The following LZTFL1 variants were observed in gnomAD, a reference collection of about 807,000 sequenced individuals.
LZTFL1 encodes leucine zipper transcription factor-like protein 1.
Under a neutral mutation model 45.9 loss-of-function variants are expected in LZTFL1, and 25 were observed. The observed-to-expected ratio is 0.54, with a 90% CI of 0.40 to 0.76. LZTFL1 has a LOEUF of 0.76. LZTFL1 is among the 30% of genes least tolerant of loss of function. The pLI is 0.00. For synonymous variants in LZTFL1, 93 were observed against 117.4 expected (o/e 0.79, Z 1.35); for missense variants, 277 against 331.1 (o/e 0.84, Z 1.27).
At chr3:45,830,544 C>T (rs1700785936) in intron 7 of LZTFL1, among the ~76,000 whole-genome samples, 1 of 152,098 alleles carries the variant, frequency 6.6e-6, no homozygotes, top group Admixed American at 6.5e-5. Flanking sequence ...CATTTTCTTT[C>T]CCCTCCACTG....
intron 2 of LZTFL1, among the ~76,000 whole-genome samples, chr3:45,904,926 C>T (rs1368596697): frequency 1.3e-5 from 2 of 152,174 alleles, no homozygotes; most frequent in South Asian, 2.1e-4. Context: ...ACCAGCCTGG[C>T]TCCAGTGCCC....
At chr3:45,886,887 C>T (rs1379244230) in intron 2 of LZTFL1, among the ~76,000 whole-genome samples, 1 of 152,122 alleles carries the variant, frequency 6.6e-6, no homozygotes, top group African/African-American at 2.4e-5. Flanking sequence ...ATACATGAAG[C>T]TTAGGCTTAA....
chr3:45,871,760 G>A lies in LZTFL1; in HGVS notation c.-214-12744C>T, dbSNP rs182322281. Reference sequence around the variant, plus strand: ...CCCCAAAGATTGCAAAGGCAAAGATGAAAGACAAAGAAAAGAAAGGCAGTT... The same window carrying A: ...CCCCAAAGATTGCAAAGGCAAAGATAAAAGACAAAGAAAAGAAAGGCAGTT... On this transcript the variant is annotated intron_variant, in intron 2 of 4. Transcript: ENST00000472635. Among the ~76,000 whole-genome samples the A allele has an allele frequency of 1.3e-3, 194 of 152,146 alleles. 1 individual carries two copies. The highest frequency in any genetic ancestry group is 0.01 in the Middle Eastern group (3 of 294).
intron 2 of LZTFL1, among the ~76,000 whole-genome samples, chr3:45,869,571 C>G (rs1050481998): frequency 6.6e-6 from 1 of 152,082 alleles, no homozygotes; most frequent in African/African-American, 2.4e-5. Flanking sequence ...CCATCTCTAA[C>G]TTTTAAGACA....
At chr3:45,838,148 A>G (rs1701013595) in intron 1 of LZTFL1, 97 bp from the exon 2 acceptor site, 1 of 1,298,806 alleles carries the variant, frequency 7.7e-7, no homozygotes, top group South Asian at 1.5e-5. Context: ...CGAGACTGCT[A>G]GATCTCCATC....
intron 2 of LZTFL1, among the ~76,000 whole-genome samples, chr3:45,867,058 G>T (rs1204535274): frequency 7.2e-6 from 1 of 138,692 alleles, no homozygotes; most frequent in Non-Finnish European, 1.5e-5. Context: ...TGAGGCAGGA[G>T]AATCGCTTGA....
intron 2 of LZTFL1, among the ~76,000 whole-genome samples, chr3:45,888,266 C>G (rs1702044055): frequency 6.6e-6 from 1 of 152,180 alleles, no homozygotes; most frequent in East Asian, 1.9e-4. Context: ...AATGTTCCCT[C>G]CCCTCGTTGC....
At chr3:45,892,354 T>C (rs79047966) in intron 2 of LZTFL1, among the ~76,000 whole-genome samples, 1,951 of 152,218 alleles carry the variant, frequency 0.013, 43 homozygotes, top group Middle Eastern at 0.037. Context: ...ATGTGGTACA[T>C]ATACATCATG....
In LZTFL1 at chr3:45,835,580, A is replaced by C; in HGVS notation, c.323+10T>G. The C allele has an allele frequency of 6.2e-7, 1 of 1,613,040 alleles. No homozygotes were observed. Among genetic ancestry groups the C allele is most frequent in the Non-Finnish European group, 8.5e-7 (1 of 1,179,228 alleles). The stretch of plus-strand genomic sequence containing the variant: ...ATTATTGTCACAGTTGCAAGTTCAA[A>C]TTTTATTACCGGTTTTCAAGTTCAG... On this transcript the variant is annotated intron_variant, in intron 3 of 9. Transcript: ENST00000296135.
intron 2 of LZTFL1, among the ~76,000 whole-genome samples, chr3:45,890,083 C>T (rs979365227): frequency 6.7e-6 from 1 of 149,902 alleles, no homozygotes. Context: ...TTACCAATGT[C>T]GTTACCATCT....
chr3:45,831,120 C>T lies in LZTFL1; in HGVS notation c.475G>A (p.Glu159Lys). 6.3e-7 allele frequency: 1 copy of T among 1,587,856 alleles called. No individual in the cohort carries two copies. The highest frequency in any genetic ancestry group is 8.6e-7 in the Non-Finnish European group (1 of 1,168,370). ...CTTGACTTCAATTTCTCATTCTCTT[C>T]TTGAAGTCTTAAAATTTCCTTTGTG... ...LLNKEILRLQ[E>K]ENEKLKSRLK... Residue 159 changes from glutamate to lysine, a missense_variant, in exon 6 of 10, where the codon GAA becomes AAA. Physicochemically the swap from Glu to Lys is moderately conservative, Grantham distance 56 (BLOSUM62 1). Coordinates refer to ENST00000296135, the MANE Select transcript of LZTFL1 (RefSeq NM_020347.4).
At chr3:45,830,465 C>T (rs900389773) in intron 7 of LZTFL1, among the ~76,000 whole-genome samples, 12 of 152,136 alleles carry the variant, frequency 7.9e-5, no homozygotes, top group African/African-American at 2.9e-4. Flanking sequence ...TCACACTCAT[C>T]AAAGGCAAAC....
rs530747047 is a variant in LZTFL1, at chr3:45,867,868, A to G, written c.-214-8852T>C. On this transcript the variant is annotated intron_variant, in intron 2 of 4. Coordinates refer to the LZTFL1 transcript ENST00000472635. Reference sequence around the variant, plus strand: ...CAAAACAACAACGACAACGAACAAGAAAACCTATATTAGCCAAAGATAAAT... The same window carrying G: ...CAAAACAACAACGACAACGAACAAGGAAACCTATATTAGCCAAAGATAAAT... 1.5e-4 allele frequency among the ~76,000 whole-genome samples: 23 copies of G among 152,220 alleles called. No homozygotes were observed. The East Asian group carries it at 2.7e-3, about 18-fold the overall frequency.
intron 4 of LZTFL1, among the ~76,000 whole-genome samples, chr3:45,849,383 T>C (rs1378385081): frequency 6.6e-6 from 1 of 152,194 alleles, no homozygotes; most frequent in Non-Finnish European, 1.5e-5. Flanking sequence ...GATTAAATGT[T>C]AGATGAGCTT....
intron 2 of LZTFL1, among the ~76,000 whole-genome samples, chr3:45,864,297 C>T (rs1701542735): frequency 6.6e-6 from 1 of 152,106 alleles, no homozygotes; most frequent in Non-Finnish European, 1.5e-5. Context: ...AGGAAGATAA[C>T]AAAATTTTAA....
chr3:45,908,652 C>G (rs1470204907), intron 2 of LZTFL1, among the ~76,000 whole-genome samples: 1 of 152,172 alleles, frequency 6.6e-6, no homozygotes, highest in African/African-American at 2.4e-5. Flanking sequence ...GGGAGGAGGG[C>G]GGTGTGTGCC....
chr3:45,827,535 T>C (rs1443205177), intron 8 of LZTFL1, 76 bp from the exon 9 acceptor site: 2 of 902,504 alleles, frequency 2.2e-6, no homozygotes. Flanking sequence ...TAAAAATATG[T>C]AGTTTTTTTT....
intron 2 of LZTFL1, among the ~76,000 whole-genome samples, chr3:45,878,349 T>A (rs1010054922): frequency 6.6e-6 from 1 of 152,188 alleles, no homozygotes; most frequent in African/African-American, 2.4e-5. Flanking sequence ...GAGGCTATTT[T>A]CATGTAGCTA....
intron 3 of LZTFL1, chr3:45,834,985 T>C (rs1700926130): frequency 6.5e-6 from 1 of 152,886 alleles, no homozygotes. Context: ...GTGCTGTGAC[T>C]GTGCTTAGAG....
Sources: allele counts gnomAD v4.1 joint callset (sites outside exome capture counted in the v4.1 genomes callset), GRCh38; gene constraint gnomAD v4.1.1; transcripts MANE v1.5; gene names NCBI Gene and HGNC (gene_info 2026-07-23, HGNC 2026-07-21).